The following MELTF variants were observed in gnomAD, a reference collection of about 807,000 sequenced individuals.
The protein encoded by MELTF is antigen p97 (melanoma associated) identified by monoclonal antibodies 133.2 and 96.5.
Under a neutral mutation model 83.7 loss-of-function variants are expected in MELTF, and 67 were observed. The ratio of observed to expected loss-of-function variants is 0.80; its 90% CI spans 0.66 to 0.98. The LOEUF (loss-of-function observed/expected upper bound fraction) is 0.98. Among genes scored for constraint, MELTF ranks in the 50% least tolerant of loss-of-function variants. The probability of loss-of-function intolerance (pLI) is 0.00; values close to 1 mark genes in which losing one functional copy is unlikely to be tolerated. For missense variants in MELTF, 1,002 were observed against 1,035.6 expected, an observed-to-expected ratio of 0.97 and a Z score of 0.44; for synonymous variants, 462 against 447.6, an observed-to-expected ratio of 1.03 and a Z score of -0.41.
At chr3:197,004,340 G>A (rs559621868) in intron 14 of MELTF, 10 of 550,310 alleles carry the variant, frequency 1.8e-5, no homozygotes, top group South Asian at 1.8e-4. Context: ...GCACTGCGGT[G>A]CTCCAGCTCC....
At chr3:197,023,195 G>C in intron 4 of MELTF, 82 bp from the exon 5 acceptor site, 1 of 1,419,074 alleles carries the variant, frequency 7.0e-7, no homozygotes, top group East Asian at 2.3e-5. Context: ...AGGGGGCCCG[G>C]GCTCTCATCT....
In MELTF at chr3:197,008,977, G is replaced by C; in HGVS notation, c.1526-12C>G. ...GAACTCGCTCACTGCTGGGGTGGAG[G>C]GAAGGGCAATGATGAGGGGCCAGCA... On this transcript the variant is annotated splice_polypyrimidine_tract_variant and intron_variant, in intron 11 of 15. Coordinates refer to ENST00000296350, the MANE Select transcript of MELTF (RefSeq NM_005929.6). This position sits in a 1 kb window ranked among gnomAD's most constrained non-coding sequence, Gnocchi z 5.4. 3.1e-6 allele frequency: 5 copies of C among 1,613,790 alleles called. No homozygotes were observed. The highest frequency in any genetic ancestry group is 4.2e-6 in the Non-Finnish European group (5 of 1,179,830).
At position 197,001,945 on chromosome 3, in the gene MELTF, C is replaced by T. The variant is rs533689782; in HGVS notation, c.*1427G>A. 6.6e-6 allele frequency: 1 copy of T among 152,458 alleles called. No individual in the cohort carries two copies. Among genetic ancestry groups the T allele is most frequent in the East Asian group, 1.9e-4 (1 of 5,156 alleles). 9.4% of individuals were successfully genotyped at this position (152,458 alleles called of 1,614,324 possible). ...GAGTTAGCCACACAGAAACACACTT[C>T]TCACCGCACAAAACTCCCTTTTGAA... On this transcript the variant is annotated 3_prime_UTR_variant, in exon 16 of 16. Transcript: ENST00000296350.
intron 3 of MELTF, among the ~76,000 whole-genome samples, chr3:197,025,063 G>A (rs570033495): frequency 6.6e-6 from 1 of 152,244 alleles, no homozygotes; most frequent in Non-Finnish European, 1.5e-5. Context: ...ATGCTGCAGG[G>A]TGTGTGTGGT....
In MELTF at chr3:197,008,160, A is replaced by G. The variant is rs953648838; in HGVS notation, c.1750+497T>C. Among the ~76,000 whole-genome samples the G allele has an allele frequency of 6.6e-6, 1 of 152,192 alleles. No homozygotes were observed. Among genetic ancestry groups the G allele is most frequent in the African/African-American group, 2.4e-5 (1 of 41,438 alleles). ...TCTTTGTCCCAGGCGGAGCCCAGGA[A>G]GGTGACTCCAGGAAGAAAACCCCCT... On this transcript the variant is annotated intron_variant, in intron 13 of 15. Transcript: ENST00000296350. The surrounding 1 kb of genome is among the most constrained non-coding windows in gnomAD (Gnocchi z 5.4).
At chr3:197,027,368 G>A (rs192267431) in intron 2 of MELTF, among the ~76,000 whole-genome samples, 12 of 152,342 alleles carry the variant, frequency 7.9e-5, no homozygotes, top group Admixed American at 7.2e-4. Flanking sequence ...TCACCCACCT[G>A]GGAGTCCAGC....
chr3:197,004,241 T>C (rs772468600), intron 14 of MELTF, 142 bp from the exon 15 acceptor site: 2 of 803,592 alleles, frequency 2.5e-6, no homozygotes, highest in Non-Finnish European at 4.2e-6. Flanking sequence ...TGATTGGAAG[T>C]CATAAGCTTG....
chr3:197,015,801 AC>A (rs1476750114), intron 8 of MELTF, among the ~76,000 whole-genome samples: 1 of 152,124 alleles, frequency 6.6e-6, no homozygotes, highest in Non-Finnish European at 1.5e-5. Context: ...TCACTTGTAG[AC>A]TACTGCAATA....
chr3:197,006,445 C>A lies in MELTF; in HGVS notation c.1938+104G>T. ...AAATCACAGAATTTCCCCCGGGCTT[C>A]CTCAATTTCTCTAGAGGTCTGCTCC... On this transcript the variant is annotated intron_variant, in intron 14 of 15. Transcript: ENST00000296350. This position sits in a 1 kb window ranked among gnomAD's most constrained non-coding sequence, Gnocchi z 5.4. 1 of 1,028,538 alleles carries A rather than the reference C, an allele frequency of 9.7e-7. No individual in the cohort carries two copies. The highest frequency in any genetic ancestry group is 1.4e-6 in the Non-Finnish European group (1 of 737,006). The allele number at this position is 1,028,538 out of a possible 1,614,324, so 63.7% of individuals were successfully genotyped here.
At position 197,024,361 on chromosome 3, in the gene MELTF, G is replaced by C; in HGVS notation, c.429C>G (p.Pro143=). Residue 143 remains proline, a synonymous_variant, in exon 4 of 16, where the codon CCC becomes CCG. Transcript: ENST00000296350. The surrounding 1 kb of genome is among the most constrained non-coding windows in gnomAD (Gnocchi z 5.3). ...GGCCGCTCTCCACCAGGTAGCCCAC[G>C]GGCACGTTCCAGCCCACTGTGCGAT... ...GINRTVGWNV[P]VGYLVESGRL... 2 of 1,602,312 alleles carry C rather than the reference G, an allele frequency of 1.2e-6. No individual in the cohort carries two copies. Among genetic ancestry groups the C allele is most frequent in the Non-Finnish European group, 1.7e-6 (2 of 1,172,386 alleles).
At position 197,022,898 on chromosome 3, in the gene MELTF, G is replaced by T; in HGVS notation, c.644+59C>A. The T allele has an allele frequency of 4.6e-6, 7 of 1,516,336 alleles. No individual in the cohort carries two copies. The highest frequency in any genetic ancestry group is 6.2e-6 in the Non-Finnish European group (7 of 1,122,748). 93.9% of individuals were successfully genotyped at this position (1,516,336 alleles called of 1,614,324 possible). ...CTCTGGGCAAAGGTGTTTTTCCCCAGCATTTGTGGCCTCAGCTCCTCCCTG... is the reference window on the plus strand; with the variant it reads ...CTCTGGGCAAAGGTGTTTTTCCCCATCATTTGTGGCCTCAGCTCCTCCCTG... On this transcript the variant is annotated intron_variant, in intron 5 of 15. Coordinates refer to ENST00000296350, the MANE Select transcript of MELTF (RefSeq NM_005929.6). This position sits in a 1 kb window ranked among gnomAD's most constrained non-coding sequence, Gnocchi z 5.1.
rs750768988 is a variant in MELTF at position 197,027,829 on chromosome 3, CG to C, written c.130del (p.Arg44GlyfsTer48). 6.2e-7 allele frequency: 1 copy of C among 1,611,280 alleles called. No individual in the cohort carries two copies. Among genetic ancestry groups the C allele is most frequent in the Admixed American group, 1.7e-5 (1 of 59,864 alleles). On this transcript the variant is annotated frameshift_variant, in exon 2 of 16. Transcript: ENST00000296350. LOFTEE classifies it high-confidence loss of function. ...GAGGGAGGGCTGGATGCCCGCTTCC[CG>C]GAAGGCCTCGCTCATGTTGCCGCAC... ...HKCGNMSEAF[R>X]EAGIQPSLLC...
In MELTF at chr3:197,026,672, C is replaced by A; in HGVS notation, c.292G>T (p.Val98Leu). Residue 98 changes from valine to leucine, a missense_variant, in exon 3 of 16, where the codon GTG becomes TTG. Coordinates refer to ENST00000296350, the MANE Select transcript of MELTF (RefSeq NM_005929.6). Reference protein sequence around the residue: ...EHGLKPVVGEVYDQEVGTSYY... With the variant: ...EHGLKPVVGELYDQEVGTSYY... ...TGCACCCTCTTACCTTGATCGTACA[C>A]TTCGCCCACCACCGGCTTCAGGCCG... 4 of 1,613,282 alleles carry A rather than the reference C, an allele frequency of 2.5e-6. No individual in the cohort carries two copies. Among genetic ancestry groups the A allele is most frequent in the Non-Finnish European group, 3.4e-6 (4 of 1,179,992 alleles).
intron 1 of MELTF, chr3:197,028,931 T>C (rs1412137856): frequency 1.3e-5 from 2 of 152,288 alleles, no homozygotes; most frequent in East Asian, 3.9e-4. Context: ...GAAGTCGAAC[T>C]GCCCTCCCCT....
chr3:197,010,640 T>G, intron 10 of MELTF, 58 bp downstream of exon 10: 1 of 1,460,074 alleles, frequency 6.8e-7, no homozygotes. Context: ...CACTCTTTTA[T>G]ATTTATAAAA....
intron 9 of MELTF, 50 bp from the exon 10 acceptor site, chr3:197,010,844 C>T: frequency 6.4e-7 from 1 of 1,559,864 alleles, no homozygotes. Context: ...CAGGATGGCT[C>T]TGGATGTCGG....
chr3:197,017,842 A>G (rs1238467549), intron 6 of MELTF, among the ~76,000 whole-genome samples: 15 of 152,240 alleles, frequency 9.9e-5, no homozygotes, highest in Middle Eastern at 3.4e-3. Flanking sequence ...ACGCCACTGC[A>G]CTCCAGCCTG....
chr3:197,022,928 C>A lies in MELTF; in HGVS notation c.644+29G>T. 1.9e-6 allele frequency: 3 copies of A among 1,579,682 alleles called. No homozygotes were observed. The highest frequency in any genetic ancestry group is 1.7e-6 in the Non-Finnish European group (2 of 1,163,738). ...TGTGGCCTCAGCTCCTCCCTGCCCTCGGCCCCTCCCTGCCCCCACTCCGCT... is the reference window on the plus strand; with the variant it reads ...TGTGGCCTCAGCTCCTCCCTGCCCTAGGCCCCTCCCTGCCCCCACTCCGCT... On this transcript the variant is annotated intron_variant, in intron 5 of 15. Transcript: ENST00000296350. This position sits in a 1 kb window ranked among gnomAD's most constrained non-coding sequence, Gnocchi z 5.1.
rs778117719 is a variant in MELTF at position 197,017,083 on chromosome 3, T to C, written c.900+20A>G. 7.5e-6 allele frequency: 12 copies of C among 1,607,158 alleles called. No homozygotes were observed. The East Asian group carries it at 1.8e-4, about 24-fold the overall frequency. On this transcript the variant is annotated intron_variant, in intron 7 of 15. Transcript: ENST00000296350. ...ACCATCTAGGAAGCTGTGCAGGTGG[T>C]TGGGGGACCCTGAGCCCACCTGGCC... is the stretch of plus-strand genomic sequence containing the variant.
Sources: gnomAD v4.1 joint callset for allele counts (sites outside exome capture counted in the v4.1 genomes callset) on GRCh38, gnomAD v4.1.1 for gene constraint, Gnocchi (gnomAD v3.1) non-coding constraint, MANE v1.5 for transcripts, NCBI Gene and HGNC (gene_info 2026-07-23, HGNC 2026-07-21) for gene names.